The following PPP1R12B variants were observed in gnomAD, a reference collection of about 807,000 sequenced individuals.
The protein encoded by PPP1R12B is myosin phosphatase target subunit 2.
Under a neutral mutation model 126.1 loss-of-function variants are expected in PPP1R12B, and 76 were observed. The ratio of observed to expected loss-of-function variants is 0.60; its 90% CI spans 0.50 to 0.73. The LOEUF (loss-of-function observed/expected upper bound fraction) is 0.73. Ranked by LOEUF, PPP1R12B falls within the 30% of genes least tolerant of loss-of-function variation. The pLI, the probability that PPP1R12B is intolerant of heterozygous loss-of-function variation, is 0.00. For synonymous variants in PPP1R12B, 356 were observed against 434.7 expected (o/e 0.82, Z 2.25); for missense variants, 1,052 against 1,205.1 (o/e 0.87, Z 1.88).
At chr1:202,478,058 A>G (rs574677138) in intron 13 of PPP1R12B, among the ~76,000 whole-genome samples, 2 of 152,312 alleles carry the variant, frequency 1.3e-5, no homozygotes, top group East Asian at 1.9e-4. Context: ...TTGCATAGCA[A>G]TGAAGAATCC....
chr1:202,433,472 C>T (rs1317120415), intron 8 of PPP1R12B, among the ~76,000 whole-genome samples: 2 of 152,174 alleles, frequency 1.3e-5, no homozygotes, highest in Non-Finnish European at 2.9e-5. Context: ...CTATCTTTGC[C>T]TACAGAGTAA....
chr1:202,523,618 C>T (rs1683009644), intron 18 of PPP1R12B, among the ~76,000 whole-genome samples: 1 of 152,148 alleles, frequency 6.6e-6, no homozygotes, highest in African/African-American at 2.4e-5. Flanking sequence ...CGTCATAGGC[C>T]TTTGTCATTT....
intron 1 of PPP1R12B, among the ~76,000 whole-genome samples, chr1:202,385,158 G>T (rs1299084855): frequency 2.0e-5 from 3 of 152,180 alleles, no homozygotes; most frequent in Non-Finnish European, 4.4e-5. Context: ...TTCATATAAG[G>T]TTTATGAAAA....
chr1:202,546,995 G>A (rs559145432), intron 18 of PPP1R12B, among the ~76,000 whole-genome samples: 2 of 151,966 alleles, frequency 1.3e-5, no homozygotes, highest in African/African-American at 4.8e-5. Context: ...TTGTTCAAAG[G>A]TATTGTGGTC....
intron 13 of PPP1R12B, among the ~76,000 whole-genome samples, chr1:202,459,159 T>C (rs2148750378): frequency 6.6e-6 from 1 of 152,350 alleles, no homozygotes; most frequent in Non-Finnish European, 1.5e-5. Context: ...CAAAGCTAGA[T>C]ATAAAAGAAT....
chr1:202,525,477 T>C (rs1683222287), intron 18 of PPP1R12B, among the ~76,000 whole-genome samples: 1 of 152,084 alleles, frequency 6.6e-6, no homozygotes. Context: ...AACTGACCAT[T>C]GATTTTGATA....
rs981618850 is a variant in PPP1R12B at position 202,442,479 on chromosome 1, C to T, written c.1574C>T (p.Ser525Phe). ...ESAVNLVRSG[S>F]YTRQLWRDEA... is the part of the protein sequence containing the mutation. ...GCTGTTAATCTAGTGAGGAGTGGCT[C>T]CTATACCCGGCAGCTATGGAGGGAT... Residue 525 changes from serine (S) to phenylalanine (F), a missense_variant, in exon 12 of 24, where the codon TCC becomes TTC. Coordinates refer to ENST00000608999, the MANE Select transcript of PPP1R12B (RefSeq NM_002481.4). The T allele has an allele frequency of 1.2e-6, 2 of 1,613,530 alleles. No homozygotes were observed. The highest frequency in any genetic ancestry group is 1.7e-6 in the Non-Finnish European group (2 of 1,179,814).
At chr1:202,522,713 AGACAG>A (rs901585701) in intron 18 of PPP1R12B, among the ~76,000 whole-genome samples, 1 of 152,170 alleles carries the variant, frequency 6.6e-6, no homozygotes, top group Non-Finnish European at 1.5e-5. Context: ...TACAAGTATA[AGACAG>A]GAAAAATTTT....
At chr1:202,353,026 G>A (rs1421065067) in intron 1 of PPP1R12B, among the ~76,000 whole-genome samples, 7 of 152,308 alleles carry the variant, frequency 4.6e-5, no homozygotes, top group East Asian at 1.9e-4. Flanking sequence ...TCAGTCTGAC[G>A]CTGTAGACTT....
intron 18 of PPP1R12B, among the ~76,000 whole-genome samples, chr1:202,550,282 C>T (rs567864677): frequency 6.6e-6 from 1 of 152,220 alleles, no homozygotes; most frequent in Admixed American, 6.5e-5. Flanking sequence ...TACTGCTACC[C>T]AAACAGGCTG....
At chr1:202,438,339 C>G in intron 10 of PPP1R12B, 1 of 1,140,618 alleles carries the variant, frequency 8.8e-7, no homozygotes, top group South Asian at 1.3e-5. Context: ...GAGGGGGGCA[C>G]AGGACCCCAG....
rs1689523422 is a variant in PPP1R12B at position 202,581,064 on chromosome 1, G to A, written c.*504G>A. 1 of 156,196 alleles carries A rather than the reference G, an allele frequency of 6.4e-6. No homozygotes were observed. The highest frequency in any genetic ancestry group is 6.2e-5 in the Admixed American group (1 of 16,184). 9.7% of individuals were successfully genotyped at this position (156,196 alleles called of 1,614,324 possible). A position where few individuals can be genotyped will look rare whatever the true frequency, so the allele number is the denominator to read the frequency against. On this transcript the variant is annotated 3_prime_UTR_variant, in exon 24 of 24. Coordinates refer to ENST00000608999, the MANE Select transcript of PPP1R12B (RefSeq NM_002481.4). ...TGATCATCAGATGCCCTCTGGAATG[G>A]TTAGCATCCAAGGTGACAGTGACTG...
At chr1:202,399,036 T>TA (rs903651757) in intron 1 of PPP1R12B, among the ~76,000 whole-genome samples, 1 of 152,162 alleles carries the variant, frequency 6.6e-6, no homozygotes, top group African/African-American at 2.4e-5. Context: ...CTCTAAAACC[T>TA]AGTGTTGTGA....
At chr1:202,520,821 T>TA (rs969598423) in intron 18 of PPP1R12B, among the ~76,000 whole-genome samples, 1 of 152,136 alleles carries the variant, frequency 6.6e-6, no homozygotes, top group African/African-American at 2.4e-5. Flanking sequence ...TTAAAGGTTT[T>TA]AAAAAATACA....
chr1:202,575,437 T>A, intron 23 of PPP1R12B: 1 of 347,522 alleles, frequency 2.9e-6, no homozygotes, highest in Admixed American at 4.1e-5. Context: ...ATTTGTTCAC[T>A]CAGCTACACA....
In PPP1R12B at chr1:202,410,861, G is replaced by A. The variant is rs148217228; in HGVS notation, c.292-5926G>A. On this transcript the variant is annotated intron_variant, in intron 1 of 23. Transcript: ENST00000608999. ...ACACGTTGTTACTTTAGTAAAATTC[G>A]ATGTGTCTTCAGGAATGCAAAATAG... Among the ~76,000 whole-genome samples, 54 of 152,198 alleles carry A rather than the reference G, an allele frequency of 3.5e-4. 1 individual carries two copies. The East Asian group carries it at 8.5e-3, about 24-fold the overall frequency.
intron 18 of PPP1R12B, among the ~76,000 whole-genome samples, chr1:202,522,337 T>G (rs1048882926): frequency 1.1e-4 from 16 of 152,296 alleles, no homozygotes; most frequent in Admixed American, 3.3e-4. Context: ...TGTAAATGTG[T>G]GCTAAAGTCC....
chr1:202,548,128 A>T (rs1225875713), intron 18 of PPP1R12B, among the ~76,000 whole-genome samples: 1 of 152,232 alleles, frequency 6.6e-6, no homozygotes, highest in Non-Finnish European at 1.5e-5. Context: ...TAAATGCTGG[A>T]GCCAGCAATC....
chr1:202,393,675 A>G (rs992813428), intron 1 of PPP1R12B, among the ~76,000 whole-genome samples: 13 of 152,324 alleles, frequency 8.5e-5, no homozygotes, highest in African/African-American at 2.9e-4. Context: ...CCTTGTTTAT[A>G]GTAAAAAATT....
Sources: gnomAD v4.1 joint callset for allele counts (sites outside exome capture counted in the v4.1 genomes callset) on GRCh38, gnomAD v4.1.1 for gene constraint, MANE v1.5 for transcripts, NCBI Gene and HGNC (gene_info 2026-07-23, HGNC 2026-07-21) for gene names.